The following PRLR variants were observed in gnomAD, a reference collection of about 807,000 sequenced individuals.
PRLR encodes the protein prolactin receptor.
PRLR carries 13 observed loss-of-function variants against 40.2 expected under a neutral mutation model. That is an observed-to-expected ratio of 0.32 (90% confidence interval 0.21 to 0.51). PRLR has a LOEUF of 0.51. Among genes scored for constraint, PRLR ranks in the 20% least tolerant of loss-of-function variants. The pLI is 0.97. For synonymous variants in PRLR, 269 were observed against 278.7 expected, an observed-to-expected ratio of 0.97 and a Z score of 0.35; for missense variants, 656 against 747.3, an observed-to-expected ratio of 0.88 and a Z score of 1.42.
chr5:35,179,920 T>G (rs1044488682), intron 1 of PRLR, among the ~76,000 whole-genome samples: 2 of 152,214 alleles, frequency 1.3e-5, no homozygotes, highest in African/African-American at 4.8e-5. Flanking sequence ...TATTGTGCAC[T>G]TTATTTCTAT....
intron 1 of PRLR, among the ~76,000 whole-genome samples, chr5:35,215,470 T>C (rs1053566050): frequency 1.3e-5 from 2 of 152,204 alleles, no homozygotes; most frequent in African/African-American, 2.4e-5. Flanking sequence ...ATTGTGTGCT[T>C]CCTTGGTGCC....
At position 35,118,081 on chromosome 5, in the gene PRLR, G is replaced by A; in HGVS notation, c.-64C>T. 1.0e-6 allele frequency: 1 copy of A among 985,652 alleles called. No individual in the cohort carries two copies. The highest frequency in any genetic ancestry group is 1.2e-6 in the Non-Finnish European group (1 of 829,770). 61.1% of individuals were successfully genotyped at this position (985,652 alleles called of 1,614,324 possible). ...CTTACCTTCAGGGTTCATGTGGAAA[G>A]CATCCTCAGTGTTCGCCTCCATGAA... On this transcript the variant is annotated 5_prime_UTR_variant, in exon 2 of 10. Transcript: ENST00000618457.
intron 1 of PRLR, among the ~76,000 whole-genome samples, chr5:35,218,015 T>C (rs1168530881): frequency 1.3e-5 from 2 of 152,202 alleles, no homozygotes; most frequent in East Asian, 1.9e-4. Context: ...ACTTACATTA[T>C]TGGTTTGAAG....
intron 1 of PRLR, among the ~76,000 whole-genome samples, chr5:35,222,378 A>G (rs1196634905): frequency 6.6e-6 from 1 of 152,154 alleles, no homozygotes; most frequent in African/African-American, 2.4e-5. Context: ...AAAAGCTGAT[A>G]TCCTTTCAGT....
intron 1 of PRLR, among the ~76,000 whole-genome samples, chr5:35,196,470 C>T (rs1775739808): frequency 6.6e-6 from 1 of 152,208 alleles, no homozygotes; most frequent in Admixed American, 6.5e-5. Flanking sequence ...AACTAAGACT[C>T]TTAAAGGAAT....
At chr5:35,179,614 T>C (rs539408794) in intron 1 of PRLR, among the ~76,000 whole-genome samples, 9 of 152,320 alleles carry the variant, frequency 5.9e-5, no homozygotes, top group African/African-American at 2.2e-4. Flanking sequence ...CATATGACAT[T>C]TGACATTTAT....
chr5:35,138,809 C>T (rs1184720547), intron 1 of PRLR, among the ~76,000 whole-genome samples: 1 of 152,076 alleles, frequency 6.6e-6, no homozygotes, highest in African/African-American at 2.4e-5. Context: ...ATCTAAGAAG[C>T]TATCAATTGT....
intron 1 of PRLR, among the ~76,000 whole-genome samples, chr5:35,156,902 T>G (rs1018497880): frequency 1.3e-5 from 2 of 152,022 alleles, no homozygotes; most frequent in African/African-American, 4.8e-5. Flanking sequence ...ACATGCTGGG[T>G]GGGTCTGCTT....
intron 1 of PRLR, among the ~76,000 whole-genome samples, chr5:35,126,438 A>G (rs773805874): frequency 1.4e-4 from 22 of 152,126 alleles, no homozygotes; most frequent in Non-Finnish European, 2.6e-4. Context: ...TGGTGACATT[A>G]TTTTCCAAAG....
intron 1 of PRLR, among the ~76,000 whole-genome samples, chr5:35,169,200 T>C (rs1774930283): frequency 6.6e-6 from 1 of 152,176 alleles, no homozygotes; most frequent in African/African-American, 2.4e-5. Flanking sequence ...CAAACATAGA[T>C]TGACAGTGTA....
chr5:35,067,826 A>T (rs1769474250), intron 9 of PRLR, among the ~76,000 whole-genome samples: 1 of 152,198 alleles, frequency 6.6e-6, no homozygotes, highest in African/African-American at 2.4e-5. Flanking sequence ...TATGTAAAGA[A>T]CATTCAAGTA....
intron 1 of PRLR, among the ~76,000 whole-genome samples, chr5:35,214,618 G>GA (rs1776242835): frequency 6.6e-6 from 1 of 152,148 alleles, no homozygotes; most frequent in South Asian, 2.1e-4. Context: ...TTTCTCAGTG[G>GA]TACAGGCTTG....
chr5:35,175,713 T>G (rs778276059), intron 1 of PRLR, among the ~76,000 whole-genome samples: 10 of 152,252 alleles, frequency 6.6e-5, no homozygotes, highest in Admixed American at 2.0e-4. Context: ...GTGTGAAGAC[T>G]GGTCTTCTCA....
intron 8 of PRLR, among the ~76,000 whole-genome samples, chr5:35,050,090 C>T (rs560595144): frequency 1.6e-4 from 25 of 152,014 alleles, no homozygotes; most frequent in South Asian, 6.2e-4. Flanking sequence ...TTAATAGAGA[C>T]GGGGTTTCTC....
chr5:35,094,172 C>T (rs1771388420), intron 2 of PRLR, among the ~76,000 whole-genome samples: 1 of 152,140 alleles, frequency 6.6e-6, no homozygotes, highest in Admixed American at 6.5e-5. Context: ...GCAACTCCTC[C>T]CAATCTCTAC....
intron 1 of PRLR, among the ~76,000 whole-genome samples, chr5:35,220,303 T>A (rs991456280): frequency 1.3e-5 from 2 of 152,158 alleles, no homozygotes; most frequent in Non-Finnish European, 2.9e-5. Context: ...CACAATGGTC[T>A]CATTTCTGTT....
intron 1 of PRLR, among the ~76,000 whole-genome samples, chr5:35,164,081 G>A (rs139242212): frequency 1.2e-4 from 19 of 152,330 alleles, no homozygotes; most frequent in Admixed American, 5.9e-4. Flanking sequence ...ATTTTAAGCC[G>A]TCAGTCACGT....
intron 1 of PRLR, among the ~76,000 whole-genome samples, chr5:35,187,391 A>C (rs967400937): frequency 6.6e-6 from 1 of 150,534 alleles, no homozygotes; most frequent in Non-Finnish European, 1.5e-5. Flanking sequence ...ACAGAGAGAA[A>C]CTCCGTTTAA....
intron 1 of PRLR, among the ~76,000 whole-genome samples, chr5:35,177,540 T>C (rs1426921280): frequency 6.6e-6 from 1 of 152,164 alleles, no homozygotes; most frequent in African/African-American, 2.4e-5. Context: ...TCTGGACATA[T>C]CATACACATG....
Sources: gnomAD v4.1 joint callset for allele counts (sites outside exome capture counted in the v4.1 genomes callset) on GRCh38, gnomAD v4.1.1 for gene constraint, MANE v1.5 for transcripts, NCBI Gene and HGNC (gene_info 2026-07-23, HGNC 2026-07-21) for gene names.